ORC2: variants seen among roughly 807,000 people sequenced by gnomAD.
ORC2 encodes origin recognition complex subunit 2, also known as origin recognition complex protein 2 homolog.
In ORC2, 37 loss-of-function variants were observed where a neutral mutation model predicts 77.7. The observed-to-expected ratio is 0.48, with a 90% confidence interval of 0.37 to 0.63. The LOEUF is 0.63. Ranked by LOEUF, ORC2 falls within the 20% of genes least tolerant of loss-of-function variation. The pLI, the probability that ORC2 is intolerant of heterozygous loss-of-function variation, is 0.00. For missense variants in ORC2, 557 were observed against 661.9 expected (o/e 0.84, Z 1.74); for synonymous variants, 201 against 229.5 (o/e 0.88, Z 1.12).
chr2:200,922,358 CATT>C (rs923866964), intron 13 of ORC2, among the ~76,000 whole-genome samples: 1 of 107,054 alleles, frequency 9.3e-6, no homozygotes, highest in Admixed American at 1.1e-4. Flanking sequence ...AGAGGAAAGA[CATT>C]AGAATGAAAT....
rs1002721749 is a variant in ORC2, at chr2:200,957,547, A to G, written c.95-3T>C. On this transcript the variant is annotated splice_polypyrimidine_tract_variant and splice_region_variant and intron_variant, in intron 3 of 17. Coordinates refer to ENST00000234296, the MANE Select transcript of ORC2 (RefSeq NM_006190.5). Reference sequence around the variant, plus strand: ...TCGCTCCTTCTTCAATTTAGCTCCTATAAGAACATCCAAAGAAATAGAGCA... The same window carrying G: ...TCGCTCCTTCTTCAATTTAGCTCCTGTAAGAACATCCAAAGAAATAGAGCA... 4.4e-6 allele frequency: 7 copies of G among 1,583,000 alleles called. No individual in the cohort carries two copies. The highest frequency in any genetic ancestry group is 2.4e-5 in the South Asian group (2 of 85,034).
At chr2:200,955,301 G>A (rs1347783670) in intron 4 of ORC2, among the ~76,000 whole-genome samples, 1 of 152,120 alleles carries the variant, frequency 6.6e-6, no homozygotes, top group Non-Finnish European at 1.5e-5. Context: ...TCTAGCTGTG[G>A]ACACATAGGA....
At chr2:200,937,031 T>C (rs1283258130) in intron 8 of ORC2, among the ~76,000 whole-genome samples, 2 of 151,958 alleles carry the variant, frequency 1.3e-5, no homozygotes, top group Non-Finnish European at 2.9e-5. Flanking sequence ...TGTGGGCATA[T>C]ATAGCTCAGC....
At chr2:200,934,222 TC>T (rs2040993335) in intron 9 of ORC2, among the ~76,000 whole-genome samples, 1 of 152,278 alleles carries the variant, frequency 6.6e-6, no homozygotes, top group Admixed American at 6.5e-5. Context: ...TAAAAATGAT[TC>T]CTAAGTTACA....
At chr2:200,932,917 A>C (rs879739219) in intron 10 of ORC2, among the ~76,000 whole-genome samples, 1 of 152,212 alleles carries the variant, frequency 6.6e-6, no homozygotes, top group Non-Finnish European at 1.5e-5. Context: ...GTCACATGCT[A>C]CTGAAGATTG....
intron 5 of ORC2, among the ~76,000 whole-genome samples, chr2:200,943,619 A>G (rs1261631879): frequency 6.6e-6 from 1 of 152,080 alleles, no homozygotes; most frequent in Admixed American, 6.6e-5. Context: ...CTCTAAATGG[A>G]GAAGGTGTAG....
chr2:200,923,685 G>A (rs1209690484), intron 13 of ORC2, among the ~76,000 whole-genome samples: 1 of 152,124 alleles, frequency 6.6e-6, no homozygotes, highest in Non-Finnish European at 1.5e-5. Context: ...CAGCCTTCTT[G>A]TGCTTGGGAA....
intron 1 of ORC2, among the ~76,000 whole-genome samples, chr2:200,959,658 G>A (rs2041533737): frequency 6.6e-6 from 1 of 152,230 alleles, no homozygotes; most frequent in Non-Finnish European, 1.5e-5. Flanking sequence ...GGAGTGGGAA[G>A]AGAGGAGGAC....
At chr2:200,951,162 C>G (rs1271160295) in intron 4 of ORC2, among the ~76,000 whole-genome samples, 2 of 152,168 alleles carry the variant, frequency 1.3e-5, no homozygotes, top group Non-Finnish European at 2.9e-5. Context: ...TAGTAACATA[C>G]TTTTAAGGTC....
chr2:200,938,743 G>A (rs1559016038), intron 7 of ORC2, among the ~76,000 whole-genome samples: 1 of 152,130 alleles, frequency 6.6e-6, no homozygotes, highest in Non-Finnish European at 1.5e-5. Context: ...TTGATTTTAA[G>A]AATAGTACTC....
intron 5 of ORC2, among the ~76,000 whole-genome samples, chr2:200,943,800 G>GTT (rs57805402): frequency 1.1e-4 from 16 of 140,276 alleles, no homozygotes; most frequent in East Asian, 2.1e-4. Flanking sequence ...GATTCACTAA[G>GTT]TTTTTTTTTT....
At chr2:200,949,814 C>T (rs989955311) in intron 4 of ORC2, among the ~76,000 whole-genome samples, 171 bp from the exon 5 acceptor site, 1 of 152,068 alleles carries the variant, frequency 6.6e-6, no homozygotes, top group African/African-American at 2.4e-5. Context: ...GGCTATGAAA[C>T]TGTTTATATA....
chr2:200,911,469 T>C (rs2040551041), intron 17 of ORC2, 82 bp from the exon 18 acceptor site: 3 of 721,996 alleles, frequency 4.2e-6, no homozygotes, highest in Non-Finnish European at 6.9e-6. Context: ...AAAGAAAAAA[T>C]GAATTTATTT....
chr2:200,920,220 A>G lies in ORC2; in HGVS notation c.1466+2T>C. ...AAAAAGAAATATGGTTTTCATCCTTACCTTGCATTAGGGGTAAGGCTTCGT... is the reference window on the plus strand; with the variant it reads ...AAAAAGAAATATGGTTTTCATCCTTGCCTTGCATTAGGGGTAAGGCTTCGT... On this transcript the variant is annotated splice_donor_variant, in intron 15 of 17. Transcript: ENST00000234296. LOFTEE classifies it high-confidence loss of function. 1 of 1,606,534 alleles carries G rather than the reference A, an allele frequency of 6.2e-7. No homozygotes were observed. The highest frequency in any genetic ancestry group is 1.1e-5 in the South Asian group (1 of 90,540).
chr2:200,947,937 C>T (rs1255208937), intron 5 of ORC2, among the ~76,000 whole-genome samples: 1 of 150,788 alleles, frequency 6.6e-6, no homozygotes, highest in Non-Finnish European at 1.5e-5. Flanking sequence ...GAGACTGAGT[C>T]TCGCTCTGTC....
chr2:200,958,525 G>C (rs1374579482), intron 2 of ORC2, among the ~76,000 whole-genome samples: 1 of 152,112 alleles, frequency 6.6e-6, no homozygotes, highest in African/African-American at 2.4e-5. Context: ...GCCAAACAAA[G>C]AATAATGCTT....
chr2:200,916,605 T>C (rs1189560641), intron 15 of ORC2, among the ~76,000 whole-genome samples: 1 of 152,246 alleles, frequency 6.6e-6, no homozygotes, highest in Non-Finnish European at 1.5e-5. Context: ...TTAAGGACTT[T>C]TATTATTAGT....
In ORC2 at chr2:200,935,754, A is replaced by G; in HGVS notation, c.653T>C (p.Val218Ala). 1 of 1,613,674 alleles carries G rather than the reference A, an allele frequency of 6.2e-7. No individual in the cohort carries two copies. The highest frequency in any genetic ancestry group is 8.5e-7 in the Non-Finnish European group (1 of 1,179,846). The change falls in exon 9 of 18, where the codon GTT (valine) becomes GCT (alanine). Residue 218 changes from valine (V) to alanine (A), a missense_variant. Transcript: ENST00000234296. Reference protein sequence around the residue: ...SQKIQAQNRVVSAPVGKETPS... With the variant: ...SQKIQAQNRVASAPVGKETPS... ...TGTTTCTTTGCCAACAGGAGCTGAA[A>G]CTACTCTATTCTGAGCTTGAATCTT...
intron 4 of ORC2, among the ~76,000 whole-genome samples, chr2:200,952,483 G>C (rs545276515): frequency 6.6e-6 from 1 of 151,864 alleles, no homozygotes; most frequent in Non-Finnish European, 1.5e-5. Flanking sequence ...GGATGGTCTC[G>C]ATCTCCTGAC....
Sources: allele counts gnomAD v4.1 joint callset (sites outside exome capture counted in the v4.1 genomes callset), GRCh38; gene constraint gnomAD v4.1.1; transcripts MANE v1.5; gene names NCBI Gene and HGNC (gene_info 2026-07-23, HGNC 2026-07-21).